SIPA1L1: variants seen among roughly 807,000 people sequenced by gnomAD.
SIPA1L1 encodes the protein signal induced proliferation associated 1 like 1, also known as signal-induced proliferation-associated 1-like protein 1.
A neutral mutation model predicts 162.7 loss-of-function variants in SIPA1L1; 26 were observed. The ratio of observed to expected loss-of-function variants is 0.16; its 90% CI spans 0.12 to 0.22. The LOEUF (loss-of-function observed/expected upper bound fraction) is 0.22. Among genes scored for constraint, SIPA1L1 ranks in the 10% least tolerant of loss-of-function variants. The probability of loss-of-function intolerance (pLI) is 1.00; values close to 1 mark genes in which losing one functional copy is unlikely to be tolerated. For missense variants in SIPA1L1, 1,874 were observed against 2,241.0 expected, an observed-to-expected ratio of 0.84 and a Z score of 3.31; for synonymous variants, 829 against 837.4, an observed-to-expected ratio of 0.99 and a Z score of 0.17.
chr14:71,675,208 C>T lies in SIPA1L1; in HGVS notation c.3104+2586C>T, dbSNP rs527897518. 5.9e-5 allele frequency among the ~76,000 whole-genome samples: 9 copies of T among 152,282 alleles called. No individual in the cohort carries two copies. The South Asian group carries it at 1.2e-3, about 21-fold the overall frequency. On this transcript the variant is annotated intron_variant, in intron 12 of 23. Coordinates refer to ENST00000381232, the MANE Select transcript of SIPA1L1 (RefSeq NM_001386936.1). ...CCAGGGAGTGAATGAGCTGTCACACCGCTGTGACGCTCTCAGGCCTTCCCG... is the reference window on the plus strand; with the variant it reads ...CCAGGGAGTGAATGAGCTGTCACACTGCTGTGACGCTCTCAGGCCTTCCCG...
At chr14:71,657,901 A>G (rs1020798617) in intron 8 of SIPA1L1, among the ~76,000 whole-genome samples, 6 of 152,142 alleles carry the variant, frequency 3.9e-5, no homozygotes, top group Non-Finnish European at 7.4e-5. Context: ...TTCATTGCCA[A>G]TAGAAAGCAC....
At chr14:71,370,455 G>C (rs1216524769) in intron 2 of SIPA1L1, among the ~76,000 whole-genome samples, 2 of 152,014 alleles carry the variant, frequency 1.3e-5, no homozygotes, top group East Asian at 3.8e-4. Context: ...TATTTTTGTG[G>C]TATTCTTGTT....
chr14:71,561,180 T>C (rs1390906466), intron 4 of SIPA1L1, among the ~76,000 whole-genome samples: 1 of 152,210 alleles, frequency 6.6e-6, no homozygotes, highest in African/African-American at 2.4e-5. Flanking sequence ...TATATTCCAC[T>C]TTTTAGGCTT....
intron 5 of SIPA1L1, among the ~76,000 whole-genome samples, chr14:71,596,304 C>T (rs2036022919): frequency 1.3e-5 from 2 of 152,050 alleles, no homozygotes; most frequent in African/African-American, 2.4e-5. Flanking sequence ...TCCTGTTACC[C>T]CAGCATGCTC....
chr14:71,694,655 C>G (rs1268566870), intron 13 of SIPA1L1, among the ~76,000 whole-genome samples: 1 of 152,200 alleles, frequency 6.6e-6, no homozygotes, highest in African/African-American at 2.4e-5. Context: ...GAATTCCTCT[C>G]TGACAGTGAC....
At chr14:71,356,038 G>A (rs1013654354) in intron 2 of SIPA1L1, among the ~76,000 whole-genome samples, 6 of 152,186 alleles carry the variant, frequency 3.9e-5, no homozygotes, top group African/African-American at 1.2e-4. Context: ...TGTGGAACAA[G>A]CCTGCTGAGG....
intron 2 of SIPA1L1, among the ~76,000 whole-genome samples, chr14:71,364,747 AAT>A (rs1491520013): frequency 7.5e-6 from 1 of 133,486 alleles, no homozygotes; most frequent in Non-Finnish European, 1.7e-5. Context: ...GCAGAACATC[AAT>A]TTTTTTTTTT....
chr14:71,687,834 C>CGA (rs555370078), intron 13 of SIPA1L1, among the ~76,000 whole-genome samples: 30 of 152,262 alleles, frequency 2.0e-4, no homozygotes, highest in African/African-American at 7.0e-4. Flanking sequence ...TTGTGACTCT[C>CGA]TAAGCTGCAG....
chr14:71,522,332 C>G (rs564689710), intron 3 of SIPA1L1, among the ~76,000 whole-genome samples: 23 of 152,188 alleles, frequency 1.5e-4, no homozygotes, highest in African/African-American at 5.5e-4. Context: ...TGTTTGCTGG[C>G]CTTTCTGGAT....
At chr14:71,658,200 C>G in intron 8 of SIPA1L1, 133 bp from the exon 9 acceptor site, 1 of 582,720 alleles carries the variant, frequency 1.7e-6, no homozygotes, top group South Asian at 2.3e-5. Context: ...AAAGGAAGAA[C>G]ACCTGTCTTG....
At chr14:71,376,516 A>G (rs1366917428) in intron 2 of SIPA1L1, among the ~76,000 whole-genome samples, 4 of 147,928 alleles carry the variant, frequency 2.7e-5, no homozygotes, top group Non-Finnish European at 6.0e-5. Context: ...TTTTTTTTTT[A>G]AGTATTCCTT....
chr14:71,601,938 G>T (rs1221421499), intron 5 of SIPA1L1, among the ~76,000 whole-genome samples: 1 of 149,380 alleles, frequency 6.7e-6, no homozygotes, highest in East Asian at 2.0e-4. Context: ...ATTTTATTTT[G>T]GTCTTCTCCC....
chr14:71,709,007 T>TAA (rs548440004), intron 16 of SIPA1L1, among the ~76,000 whole-genome samples: 1 of 144,024 alleles, frequency 6.9e-6, no homozygotes, highest in Non-Finnish European at 1.5e-5. Context: ...AAAAATAGAT[T>TAA]AAAAAAAAAA....
chr14:71,665,579 A>G (rs1409440388), intron 10 of SIPA1L1, among the ~76,000 whole-genome samples: 1 of 152,228 alleles, frequency 6.6e-6, no homozygotes, highest in East Asian at 1.9e-4. Context: ...GCGAGTATAT[A>G]CTGGAAACAA....
intron 2 of SIPA1L1, among the ~76,000 whole-genome samples, chr14:71,375,026 A>T (rs943034059): frequency 1.3e-5 from 2 of 152,180 alleles, no homozygotes; most frequent in African/African-American, 4.8e-5. Flanking sequence ...CTTTCTATTT[A>T]TCAAACAATA....
intron 2 of SIPA1L1, among the ~76,000 whole-genome samples, chr14:71,409,384 G>C (rs564277194): frequency 6.6e-6 from 1 of 152,058 alleles, no homozygotes; most frequent in Non-Finnish European, 1.5e-5. Context: ...CCTTTGGTTA[G>C]AGAGACTGGC....
At chr14:71,488,022 C>G (rs963782349) in intron 2 of SIPA1L1, among the ~76,000 whole-genome samples, 1 of 152,196 alleles carries the variant, frequency 6.6e-6, no homozygotes, top group African/African-American at 2.4e-5. Context: ...GCTTTTGATG[C>G]AGATGCTATG....
chr14:71,334,788 CT>C (rs1176560785), intron 2 of SIPA1L1, among the ~76,000 whole-genome samples: 9 of 151,906 alleles, frequency 5.9e-5, no homozygotes, highest in African/African-American at 1.9e-4. Flanking sequence ...GACTGCTTTA[CT>C]TTTTTTCAGG....
intron 2 of SIPA1L1, among the ~76,000 whole-genome samples, chr14:71,341,792 A>G (rs570950393): frequency 6.6e-6 from 1 of 152,292 alleles, no homozygotes; most frequent in African/African-American, 2.4e-5. Context: ...TGCTTAGAAT[A>G]ACGGCCTCCA....
Sources: allele counts gnomAD v4.1 joint callset (sites outside exome capture counted in the v4.1 genomes callset), GRCh38; gene constraint gnomAD v4.1.1; transcripts MANE v1.5; gene names NCBI Gene and HGNC (gene_info 2026-07-23, HGNC 2026-07-21).